The following AR variants were observed in gnomAD, a reference collection of about 807,000 sequenced individuals.
AR encodes the protein androgen receptor.
AR carries 8 observed loss-of-function variants against 53.9 expected under a neutral mutation model. The observed-to-expected ratio is 0.15, with a 90% confidence interval of 0.09 to 0.27. The LOEUF (loss-of-function observed/expected upper bound fraction) is 0.27, where lower values mean the gene tolerates loss of function less well. Among genes scored for constraint, AR ranks in the 10% least tolerant of loss-of-function variants. The pLI is 1.00. For synonymous variants in AR, 359 were observed against 316.4 expected, an observed-to-expected ratio of 1.13 and a Z score of -1.43; for missense variants, 639 against 742.5, an observed-to-expected ratio of 0.86 and a Z score of 1.62.
At position 67,545,605 on chromosome X, in the gene AR, G is replaced by A. The variant is rs752559194; in HGVS notation, c.459G>A (p.Pro153=). The A allele has an allele frequency of 8.4e-7, 1 of 1,188,061 alleles. No homozygotes were observed. Among genetic ancestry groups the A allele is most frequent in the Non-Finnish European group, 1.1e-6 (1 of 883,557 alleles). Residue 153 remains proline, a synonymous_variant, in exon 1 of 8, where the codon CCG becomes CCA. Coordinates refer to ENST00000374690, the MANE Select transcript of AR (RefSeq NM_000044.6). ...TGCCGCAGCAGCTGCCAGCACCTCC[G>A]GACGAGGATGACTCAGCTGCCCCAT... The part of the protein sequence containing the change: ...KGLPQQLPAP[P]DEDDSAAPST...
chrX:67,558,521 G>A (rs941339394), intron 1 of AR, among the ~76,000 whole-genome samples: 3 of 111,686 alleles, frequency 2.7e-5, no homozygotes, highest in African/African-American at 9.8e-5. Flanking sequence ...GACTGGTGAC[G>A]TAGGTGACTT....
At chrX:67,697,239 T>C (rs1483646018) in intron 3 of AR, among the ~76,000 whole-genome samples, 1 of 111,874 alleles carries the variant, frequency 8.9e-6, no homozygotes, top group Non-Finnish European at 1.9e-5. Context: ...GTCTCTCTTA[T>C]GTTACATTTC....
chrX:67,723,076 G>A, intron 7 of AR, 92 bp downstream of exon 7: 3 of 1,071,776 alleles, frequency 2.8e-6, no homozygotes, highest in Non-Finnish European at 2.6e-6. Context: ...CCACCTGTTG[G>A]GAGGTGCTTC....
intron 2 of AR, among the ~76,000 whole-genome samples, chrX:67,673,199 TCTTTGAC>T (rs2075876886): frequency 1.8e-5 from 2 of 110,993 alleles, no homozygotes; most frequent in Admixed American, 1.9e-4. Context: ...CCTTTCTTTA[TCTTTGAC>T]CTTTGGGAGT....
At chrX:67,709,848 T>A (rs1236006027) in intron 3 of AR, among the ~76,000 whole-genome samples, 3 of 111,797 alleles carry the variant, frequency 2.7e-5, no homozygotes, top group Non-Finnish European at 5.6e-5. Context: ...AAAATTGTCA[T>A]ATGTTGAGCC....
At chrX:67,677,462 C>T (rs2075907039) in intron 2 of AR, among the ~76,000 whole-genome samples, 1 of 111,966 alleles carries the variant, frequency 8.9e-6, no homozygotes, top group Non-Finnish European at 1.9e-5. Context: ...GAGATAACCA[C>T]TCTTTCAATT....
intron 5 of AR, among the ~76,000 whole-genome samples, chrX:67,719,885 A>G (rs764551589): frequency 1.3e-4 from 14 of 111,633 alleles, no homozygotes; most frequent in East Asian, 2.8e-4. Context: ...AACTTGTCCA[A>G]TGTAGGTCAA....
intron 1 of AR, among the ~76,000 whole-genome samples, chrX:67,596,933 C>A (rs961824054): frequency 8.9e-6 from 1 of 111,898 alleles, no homozygotes; most frequent in African/African-American, 3.3e-5. Context: ...AAAACAGCAA[C>A]TAGGTTTTAT....
intron 2 of AR, among the ~76,000 whole-genome samples, chrX:67,672,983 C>G (rs1299529937): frequency 9.2e-6 from 1 of 109,063 alleles, no homozygotes; most frequent in East Asian, 2.9e-4. Flanking sequence ...CTGTGAAAGT[C>G]TTTATTTTTC....
intron 2 of AR, 83 bp from the exon 3 acceptor site, chrX:67,685,927 C>A (rs370360451): frequency 6.6e-5 from 78 of 1,183,224 alleles, no homozygotes; most frequent in African/African-American, 1.6e-4. Flanking sequence ...AATTTCATAT[C>A]TTTTCTGTTC....
At chrX:67,612,941 A>G (rs773235537) in intron 1 of AR, among the ~76,000 whole-genome samples, 1 of 111,461 alleles carries the variant, frequency 9.0e-6, no homozygotes, top group Non-Finnish European at 1.9e-5. Context: ...GCAGACCACA[A>G]GCATCTCTTT....
At chrX:67,689,261 G>A (rs937660337) in intron 3 of AR, among the ~76,000 whole-genome samples, 42 of 111,453 alleles carry the variant, frequency 3.8e-4, no homozygotes, top group Admixed American at 3.1e-3. Context: ...TTGATACATC[G>A]TAATTGTATC....
chrX:67,562,295 A>G (rs1921358396), intron 1 of AR, among the ~76,000 whole-genome samples: 1 of 107,179 alleles, frequency 9.3e-6, no homozygotes, highest in African/African-American at 3.4e-5. Flanking sequence ...AGCTTCTTTC[A>G]CCCTTCATCA....
chrX:67,576,376 T>C lies in AR; in HGVS notation c.1616+29614T>C, dbSNP rs768509174. ...GTTGCTTGAGCCCAACTATAACTTC[T>C]TGGCACTATACCTATCTTCTGATGT... On this transcript the variant is annotated intron_variant, in intron 1 of 7. Coordinates refer to ENST00000374690, the MANE Select transcript of AR (RefSeq NM_000044.6). 4.5e-5 allele frequency among the ~76,000 whole-genome samples: 5 copies of C among 110,869 alleles called. No individual in the cohort carries two copies. In the South Asian group the frequency reaches 1.6e-3, roughly 34 times the overall value.
intron 1 of AR, among the ~76,000 whole-genome samples, chrX:67,614,711 T>A (rs1773409282): frequency 9.0e-6 from 1 of 111,434 alleles, no homozygotes; most frequent in Non-Finnish European, 1.9e-5. Context: ...CATGGTATTA[T>A]ATGAAAAAAT....
intron 1 of AR, among the ~76,000 whole-genome samples, chrX:67,551,378 C>A (rs772397138): frequency 8.9e-6 from 1 of 111,801 alleles, no homozygotes; most frequent in Non-Finnish European, 1.9e-5. Flanking sequence ...CTATCTCCGA[C>A]TTCCCCTATC....
At chrX:67,596,894 A>T (rs2147371474) in intron 1 of AR, among the ~76,000 whole-genome samples, 1 of 111,938 alleles carries the variant, frequency 8.9e-6, no homozygotes, top group African/African-American at 3.2e-5. Context: ...CTCTTTAGGT[A>T]CCATATGCTG....
At chrX:67,695,464 T>C (rs1184537888) in intron 3 of AR, 3 of 754,301 alleles carry the variant, frequency 4.0e-6, no homozygotes, top group Middle Eastern at 7.6e-4. Flanking sequence ...CACTCCTTGA[T>C]TGCTCTCTCA....
At chrX:67,639,522 G>A (rs1221691336) in intron 1 of AR, among the ~76,000 whole-genome samples, 1 of 111,299 alleles carries the variant, frequency 9.0e-6, no homozygotes, top group Non-Finnish European at 1.9e-5. Flanking sequence ...TCTCCTTGAA[G>A]AGGTCCTTCA....
Sources: gnomAD v4.1 joint callset for allele counts (sites outside exome capture counted in the v4.1 genomes callset) on GRCh38, gnomAD v4.1.1 for gene constraint, MANE v1.5 for transcripts, NCBI Gene and HGNC (gene_info 2026-07-23, HGNC 2026-07-21) for gene names.